Variants in ROBO2 observed in about 807,000 individuals in gnomAD.
The protein encoded by ROBO2 is roundabout homolog 2.
ROBO2 carries 53 observed loss-of-function variants against 160.8 expected under a neutral mutation model. That is an observed-to-expected ratio of 0.33 (90% CI 0.26 to 0.41). The LOEUF (loss-of-function observed/expected upper bound fraction) is 0.41, where lower values mean the gene tolerates loss of function less well. ROBO2 is among the 10% of genes least tolerant of loss of function. The pLI is 1.00. For synonymous variants in ROBO2, 664 were observed against 611.7 expected (o/e 1.09, Z -1.26); for missense variants, 1,577 against 1,722.4 (o/e 0.92, Z 1.49).
At chr3:77,502,851 G>A (rs1232456656) in intron 5 of ROBO2, among the ~76,000 whole-genome samples, 4 of 152,064 alleles carry the variant, frequency 2.6e-5, no homozygotes, top group African/African-American at 9.7e-5. Flanking sequence ...GGTATTTTCA[G>A]GGTTGTGGGG....
At chr3:77,227,468 A>G (rs1185833789) in intron 2 of ROBO2, among the ~76,000 whole-genome samples, 3 of 152,190 alleles carry the variant, frequency 2.0e-5, no homozygotes, top group Admixed American at 6.5e-5. Flanking sequence ...ATGCATTTTG[A>G]CTCCTAAAAT....
At chr3:77,119,616 G>A (rs2074549290) in intron 2 of ROBO2, among the ~76,000 whole-genome samples, 1 of 152,188 alleles carries the variant, frequency 6.6e-6, no homozygotes, top group East Asian at 1.9e-4. Flanking sequence ...CATAGAAACG[G>A]ATCTTATCTG....
intron 2 of ROBO2, among the ~76,000 whole-genome samples, chr3:77,258,444 G>A (rs74835534): frequency 0.022 from 3,269 of 151,790 alleles, 142 homozygotes; most frequent in African/African-American, 0.075. Flanking sequence ...TTTGTCAGAG[G>A]AAGAGATAGT....
At chr3:76,827,503 G>T (rs745609549) in intron 2 of ROBO2, among the ~76,000 whole-genome samples, 2 of 152,130 alleles carry the variant, frequency 1.3e-5, no homozygotes, top group Non-Finnish European at 2.9e-5. Context: ...AGACTCTAAA[G>T]ATGGTCTAAC....
intron 4 of ROBO2, among the ~76,000 whole-genome samples, chr3:77,488,254 G>A (rs1443801284): frequency 6.6e-6 from 1 of 152,118 alleles, no homozygotes. Context: ...TTATGCAGGT[G>A]ATTCAAATCC....
At chr3:77,476,558 C>T (rs1450642847) in intron 2 of ROBO2, among the ~76,000 whole-genome samples, 3 of 152,020 alleles carry the variant, frequency 2.0e-5, no homozygotes, top group African/African-American at 7.3e-5. Flanking sequence ...AATGTTTACC[C>T]TAAAATTAAT....
At chr3:77,360,969 T>A (rs2153467225) in intron 2 of ROBO2, among the ~76,000 whole-genome samples, 1 of 152,258 alleles carries the variant, frequency 6.6e-6, no homozygotes, top group East Asian at 1.9e-4. Flanking sequence ...GATTTTCTTA[T>A]ATTAAGATTA....
rs527305215 is a variant in ROBO2, at chr3:77,442,770, A to G, written c.389-34644A>G. Among the ~76,000 whole-genome samples the G allele has an allele frequency of 9.8e-5, 15 of 152,306 alleles. No homozygotes were observed. The South Asian group carries it at 2.9e-3, about 29-fold the overall frequency. ...GAGCCGGGGCAAATTTGAAACGCTA[A>G]ATCAGAATCTTCTCTTCCAAGATCT... On this transcript the variant is annotated intron_variant, in intron 2 of 25. Coordinates refer to ENST00000461745, the Ensembl canonical transcript of ROBO2.
At chr3:76,880,307 T>C (rs2073201972) in intron 2 of ROBO2, among the ~76,000 whole-genome samples, 1 of 152,148 alleles carries the variant, frequency 6.6e-6, no homozygotes, top group South Asian at 2.1e-4. Flanking sequence ...GTGTTTAAGA[T>C]GGCTAAACCG....
intron 2 of ROBO2, among the ~76,000 whole-genome samples, chr3:77,285,833 A>T (rs1298853290): frequency 6.6e-6 from 1 of 152,226 alleles, no homozygotes; most frequent in Non-Finnish European, 1.5e-5. Context: ...ATAGAGAGAT[A>T]GGTTTGAGTA....
chr3:76,098,437 T>A (rs1477269453), intron 2 of ROBO2, among the ~76,000 whole-genome samples: 2 of 152,046 alleles, frequency 1.3e-5, no homozygotes, highest in African/African-American at 4.8e-5. Flanking sequence ...TTTGGATGAG[T>A]TTTAAGTGCA....
chr3:77,214,334 T>C (rs1387448311), intron 2 of ROBO2, among the ~76,000 whole-genome samples: 2 of 152,200 alleles, frequency 1.3e-5, no homozygotes, highest in Non-Finnish European at 2.9e-5. Flanking sequence ...CATTATGTAA[T>C]GGCCTTCTTT....
chr3:77,266,000 G>A (rs192320240), intron 2 of ROBO2, among the ~76,000 whole-genome samples: 4 of 152,184 alleles, frequency 2.6e-5, no homozygotes. Context: ...TGCATGTAAA[G>A]CTATTCTACG....
At chr3:76,460,232 G>GA (rs201177070) in intron 2 of ROBO2, among the ~76,000 whole-genome samples, 26 of 146,820 alleles carry the variant, frequency 1.8e-4, no homozygotes, top group South Asian at 4.3e-4. Context: ...AAACTTAGCA[G>GA]AAAAAAAAAT....
intron 2 of ROBO2, among the ~76,000 whole-genome samples, chr3:77,424,644 A>G (rs2078010609): frequency 6.6e-6 from 1 of 152,162 alleles, no homozygotes. Context: ...TGTAATGTAA[A>G]GGTTCTTTTC....
intron 2 of ROBO2, among the ~76,000 whole-genome samples, chr3:76,958,912 CTCTT>C (rs1475230003): frequency 6.6e-6 from 1 of 152,224 alleles, no homozygotes; most frequent in African/African-American, 2.4e-5. Context: ...TTGATACTCT[CTCTT>C]TCTTTAATAC....
intron 2 of ROBO2, among the ~76,000 whole-genome samples, chr3:76,642,149 C>T (rs1188634405): frequency 6.6e-6 from 1 of 152,018 alleles, no homozygotes; most frequent in East Asian, 1.9e-4. Flanking sequence ...CCTATGACAA[C>T]ACCATGAAAT....
At chr3:76,185,206 A>ATCTGTG (rs1215228085) in intron 2 of ROBO2, among the ~76,000 whole-genome samples, 1 of 97,522 alleles carries the variant, frequency 1.0e-5, no homozygotes, top group East Asian at 2.5e-4. Context: ...ATATATATAT[A>ATCTGTG]TATATATATA....
At chr3:76,551,277 C>T (rs2083403843) in intron 2 of ROBO2, among the ~76,000 whole-genome samples, 1 of 152,068 alleles carries the variant, frequency 6.6e-6, no homozygotes, top group Admixed American at 6.5e-5. Context: ...CCTGATGGAA[C>T]AGAAGGGAGC....
Sources: allele counts gnomAD v4.1 joint callset (sites outside exome capture counted in the v4.1 genomes callset), GRCh38; gene constraint gnomAD v4.1.1; transcripts MANE v1.5; gene names NCBI Gene and HGNC (gene_info 2026-07-23, HGNC 2026-07-21).